Variants in AGPAT2 observed in about 807,000 individuals in gnomAD.
AGPAT2 encodes the protein 1-acyl-sn-glycerol-3-phosphate acyltransferase beta.
In AGPAT2, 18 loss-of-function variants were observed where a neutral mutation model predicts 26.1. The ratio of observed to expected loss-of-function variants is 0.69; its 90% CI spans 0.48 to 1.02. The LOEUF (loss-of-function observed/expected upper bound fraction) is 1.02. Among genes scored for constraint, AGPAT2 ranks in the 50% least tolerant of loss-of-function variants. AGPAT2 has a pLI of 0.00. For synonymous variants in AGPAT2, 200 were observed against 174.2 expected (o/e 1.15, Z -1.16); for missense variants, 415 against 394.9 (o/e 1.05, Z -0.43).
chr9:136,674,404 A>G (rs1047598171), intron 5 of AGPAT2, among the ~76,000 whole-genome samples: 1 of 152,032 alleles, frequency 6.6e-6, no homozygotes, highest in African/African-American at 2.4e-5. Flanking sequence ...GGTTCCATCT[A>G]CCCTATGCGG....
chr9:136,678,097 C>G (rs151124255), intron 1 of AGPAT2, among the ~76,000 whole-genome samples: 1 of 152,172 alleles, frequency 6.6e-6, no homozygotes, highest in Admixed American at 6.5e-5. Context: ...AGAAAAGAGC[C>G]GAGACCGAGA....
At chr9:136,674,599 T>C in intron 5 of AGPAT2, 136 bp downstream of exon 5, 1 of 546,752 alleles carries the variant, frequency 1.8e-6, no homozygotes, top group African/African-American at 2.0e-5. Context: ...CCAGCCTGAG[T>C]CACTCATTCG....
At chr9:136,679,353 A>AG (rs931308064) in intron 1 of AGPAT2, among the ~76,000 whole-genome samples, 2 of 152,164 alleles carry the variant, frequency 1.3e-5, no homozygotes, top group Admixed American at 6.5e-5. Flanking sequence ...AACTGAGTCA[A>AG]GGGGGGCCTA....
In AGPAT2 at chr9:136,673,581, G is replaced by A. The variant is rs1338418130; in HGVS notation, c.*171C>T. 5 of 721,052 alleles carry A rather than the reference G, an allele frequency of 6.9e-6. No individual in the cohort carries two copies. The highest frequency in any genetic ancestry group is 5.5e-5 in the African/African-American group (3 of 54,090). 44.7% of individuals were successfully genotyped at this position (721,052 alleles called of 1,614,324 possible). ...TGAGCCCCCTGCAGGGGACACCAGGGGCCTGTGTCTGAGGCCAGTGACAGA... is the reference window on the plus strand; with the variant it reads ...TGAGCCCCCTGCAGGGGACACCAGGAGCCTGTGTCTGAGGCCAGTGACAGA... On this transcript the variant is annotated 3_prime_UTR_variant, in exon 6 of 6. Coordinates refer to ENST00000371696, the MANE Select transcript of AGPAT2 (RefSeq NM_006412.4).
chr9:136,678,980 C>T (rs1846127244), intron 1 of AGPAT2, among the ~76,000 whole-genome samples: 1 of 152,170 alleles, frequency 6.6e-6, no homozygotes, highest in Non-Finnish European at 1.5e-5. Flanking sequence ...TCTCGAACTC[C>T]TAGGCTCAAA....
intron 1 of AGPAT2, among the ~76,000 whole-genome samples, chr9:136,684,457 G>A (rs1047206817): frequency 5.9e-5 from 9 of 152,212 alleles, no homozygotes; most frequent in African/African-American, 1.9e-4. Flanking sequence ...CGGTGGGAAC[G>A]AAGGCTGCCT....
intron 1 of AGPAT2, among the ~76,000 whole-genome samples, chr9:136,682,785 T>A (rs1269465537): frequency 6.6e-6 from 1 of 152,050 alleles, no homozygotes; most frequent in African/African-American, 2.4e-5. Context: ...CGAAGCCCCG[T>A]AAGAGACCCC....
rs957355571 is a variant in AGPAT2 at position 136,673,518 on chromosome 9, G to A, written c.*234C>T. The A allele has an allele frequency of 1.7e-5, 7 of 421,708 alleles. No individual in the cohort carries two copies. The highest frequency in any genetic ancestry group is 2.5e-5 in the Non-Finnish European group (6 of 240,320). The allele number at this position is 421,708 out of a possible 1,614,324, so 26.1% of individuals were successfully genotyped here. A position where few individuals can be genotyped will look rare whatever the true frequency, so the allele number is the denominator to read the frequency against. On this transcript the variant is annotated 3_prime_UTR_variant, in exon 6 of 6. Coordinates refer to ENST00000371696, the MANE Select transcript of AGPAT2 (RefSeq NM_006412.4). The stretch of plus-strand genomic sequence containing the variant: ...ATCCCAGCTCCCAGAGGTGCCGTGG[G>A]CGCGAGTCCCTGCCCTCGAGCCCGG...
intron 4 of AGPAT2, among the ~76,000 whole-genome samples, chr9:136,675,955 C>T (rs1337635743): frequency 6.6e-6 from 1 of 152,168 alleles, no homozygotes; most frequent in Non-Finnish European, 1.5e-5. Flanking sequence ...CTGCCCTGAG[C>T]GAGACCCCAC....
At chr9:136,675,942 C>A (rs1304908241) in intron 4 of AGPAT2, among the ~76,000 whole-genome samples, 1 of 152,198 alleles carries the variant, frequency 6.6e-6, no homozygotes, top group Non-Finnish European at 1.5e-5. Context: ...GGAGCTGAGA[C>A]CCCTGCCCTG....
chr9:136,683,389 G>T (rs1035329368), intron 1 of AGPAT2, among the ~76,000 whole-genome samples: 1 of 152,136 alleles, frequency 6.6e-6, no homozygotes, highest in African/African-American at 2.4e-5. Context: ...CCCTTGCCTT[G>T]GTCCTGGGCT....
chr9:136,675,933 G>A (rs552049085), intron 4 of AGPAT2, among the ~76,000 whole-genome samples: 2 of 152,212 alleles, frequency 1.3e-5, no homozygotes, highest in Non-Finnish European at 2.9e-5. Context: ...GTGAGGGAAG[G>A]AGCTGAGACC....
intron 1 of AGPAT2, among the ~76,000 whole-genome samples, chr9:136,683,590 T>C (rs1846188106): frequency 6.6e-6 from 1 of 152,068 alleles, no homozygotes; most frequent in Non-Finnish European, 1.5e-5. Flanking sequence ...GCGGGATGGG[T>C]CCATAGGGGT....
chr9:136,677,355 G>C (rs1846105603), intron 2 of AGPAT2, 68 bp downstream of exon 2: 3 of 1,610,084 alleles, frequency 1.9e-6, no homozygotes, highest in Non-Finnish European at 2.5e-6. Flanking sequence ...CCGGGACCCA[G>C]CCCCACACAG....
chr9:136,684,107 T>A (rs1588268515), intron 1 of AGPAT2, among the ~76,000 whole-genome samples: 1 of 152,168 alleles, frequency 6.6e-6, no homozygotes, highest in African/African-American at 2.4e-5. Flanking sequence ...GCACCCCTTT[T>A]CTGTCTGGGA....
At chr9:136,679,784 T>C (rs1218680489) in intron 1 of AGPAT2, among the ~76,000 whole-genome samples, 8 of 152,184 alleles carry the variant, frequency 5.3e-5, no homozygotes, top group African/African-American at 1.2e-4. Context: ...AGCCAGGGTG[T>C]TGGGAACAGG....
At position 136,687,165 on chromosome 9, in the gene AGPAT2, C is replaced by T; in HGVS notation, c.182+11G>A. 6.3e-7 allele frequency: 1 copy of T among 1,581,750 alleles called. No individual in the cohort carries two copies. On this transcript the variant is annotated intron_variant, in intron 1 of 5. Transcript: ENST00000371696. ...GGTTCCCCGGCCCCTCCCGGCGGCC[C>T]CCGGCCTTGCCTCATGTTCTCCACC...
Position 136,678,806 on chromosome 9 carries a change from C to A in AGPAT2, c.183-1250G>T, listed in dbSNP as rs898958597. On this transcript the variant is annotated intron_variant, in intron 1 of 5. Transcript: ENST00000371696. ...TGTCTTGCTCTGTGACACAATGTGT[C>A]ACATTGTGCAGTGTCACAATCTGGG... 1.9e-4 allele frequency among the ~76,000 whole-genome samples: 23 copies of A among 119,868 alleles called. 1 individual carries two copies. Among genetic ancestry groups the A allele is most frequent in the Non-Finnish European group, 3.8e-4 (20 of 53,252 alleles). 78.6% of individuals were successfully genotyped at this position (119,868 alleles called of 152,430 possible).
Position 136,687,272 on chromosome 9 carries a change from T to C in AGPAT2, c.86A>G (p.Lys29Arg), listed in dbSNP as rs1382453793. The change falls in exon 1 of 6, where the codon AAG (lysine) becomes AGG (arginine). Residue 29 changes from lysine (K) to arginine (R), a missense_variant. Transcript: ENST00000371696. ...QLSRAAEFYAKVALYCALCFT... is the reference protein window; with the variant it reads ...QLSRAAEFYARVALYCALCFT... Reference sequence around the variant, plus strand: ...GCACAGCGCGCAGTACAGGGCGACCTTGGCGTAGAACTCGGCCGCGCGGCT... The same window carrying C: ...GCACAGCGCGCAGTACAGGGCGACCCTGGCGTAGAACTCGGCCGCGCGGCT... The C allele has an allele frequency of 9.4e-6, 15 of 1,588,212 alleles. No individual in the cohort carries two copies. The highest frequency in any genetic ancestry group is 3.4e-5 in the South Asian group (3 of 88,540).
Sources: allele counts gnomAD v4.1 joint callset (sites outside exome capture counted in the v4.1 genomes callset), GRCh38; gene constraint gnomAD v4.1.1; transcripts MANE v1.5; gene names NCBI Gene and HGNC (gene_info 2026-07-23, HGNC 2026-07-21).